Variants in COL12A1 observed in about 807,000 individuals in gnomAD.
The protein encoded by COL12A1 is collagen alpha-1(XII) chain.
In COL12A1, 114 loss-of-function variants were observed where a neutral mutation model predicts 349.7. That is an observed-to-expected ratio of 0.33 (90% CI 0.28 to 0.38). The LOEUF (loss-of-function observed/expected upper bound fraction) is 0.38, where lower values mean the gene tolerates loss of function less well. COL12A1 is among the 10% of genes least tolerant of loss of function. COL12A1 has a pLI of 1.00. For synonymous variants in COL12A1, 1,369 were observed against 1,329.0 expected (o/e 1.03, Z -0.66); for missense variants, 3,284 against 3,756.9 (o/e 0.87, Z 3.29).
chr6:75,126,274 G>T, intron 39 of COL12A1, 77 bp downstream of exon 39: 1 of 1,494,952 alleles, frequency 6.7e-7, no homozygotes. Flanking sequence ...CCCAACAGTG[G>T]GGGATGAAAG....
chr6:75,174,419 G>A (rs1322066543), intron 13 of COL12A1, among the ~76,000 whole-genome samples: 2 of 152,144 alleles, frequency 1.3e-5, no homozygotes, highest in East Asian at 3.9e-4. Flanking sequence ...AGCCAGGCGT[G>A]GTGGCGGGCG....
intron 2 of COL12A1, 125 bp from the exon 3 acceptor site, chr6:75,195,072 A>G (rs1311011185): frequency 1.8e-6 from 1 of 552,112 alleles, no homozygotes; most frequent in Non-Finnish European, 3.1e-6. Flanking sequence ...TTTCCAACAA[A>G]TATAAAAGAT....
intron 59 of COL12A1, among the ~76,000 whole-genome samples, chr6:75,096,789 G>C (rs1280020754): frequency 6.6e-6 from 1 of 150,736 alleles, no homozygotes; most frequent in Non-Finnish European, 1.5e-5. Flanking sequence ...CCAGCTACTC[G>C]GGAGGCTGAG....
intron 61 of COL12A1, 36 bp downstream of exon 61, chr6:75,091,450 AACAC>A (rs759392551): frequency 1.2e-6 from 2 of 1,612,620 alleles, no homozygotes; most frequent in East Asian, 2.2e-5. Flanking sequence ...TTCAATGTTT[AACAC>A]ACAAAATAAA....
At chr6:75,189,490 C>A in intron 6 of COL12A1, 62 bp downstream of exon 6, 3 of 1,580,528 alleles carry the variant, frequency 1.9e-6, no homozygotes, top group Non-Finnish European at 2.6e-6. Flanking sequence ...GGCAATGCAT[C>A]ATTTCTTTCT....
At position 75,105,211 on chromosome 6, in the gene COL12A1, G is replaced by A. The variant is rs1768488644; in HGVS notation, c.8260C>T (p.Pro2754Ser). The A allele has an allele frequency of 1.2e-6, 2 of 1,612,370 alleles. No homozygotes were observed. Among genetic ancestry groups the A allele is most frequent in the Non-Finnish European group, 8.5e-7 (1 of 1,179,256 alleles). ...ATCTATTTCAATTTCCTTACTGCAGGGCCTGGAGGTCCTGGAGGTCCAACG... is the reference window on the plus strand; with the variant it reads ...ATCTATTTCAATTTCCTTACTGCAGAGCCTGGAGGTCCTGGAGGTCCAACG... ...DSVGPPGPPG[P>S]AGGPGAKGPR... is the part of the protein sequence containing the mutation. Residue 2754 changes from proline (P) to serine (S), a missense_variant, in exon 54 of 66, where the codon CCT becomes TCT. Coordinates refer to ENST00000322507, the MANE Select transcript of COL12A1 (RefSeq NM_004370.6).
chr6:75,157,679 C>T (rs1215114068), intron 14 of COL12A1, among the ~76,000 whole-genome samples: 1 of 152,082 alleles, frequency 6.6e-6, no homozygotes, highest in African/African-American at 2.4e-5. Flanking sequence ...GCAACCAGAA[C>T]TTGAAGAATA....
Position 75,091,194 on chromosome 6 carries a change from T to G in COL12A1, c.8752+129A>C. The stretch of plus-strand genomic sequence containing the variant: ...AATCAGATACAAAACTGACAATGTA[T>G]AAGAACAAAAGCTTATCAAATGAAA... On this transcript the variant is annotated intron_variant, in intron 62 of 65. Transcript: ENST00000322507. 4.2e-6 allele frequency: 3 copies of G among 717,488 alleles called. No homozygotes were observed. The South Asian group carries it at 5.7e-5, about 14-fold the overall frequency. The allele number at this position is 717,488 out of a possible 1,614,324, so 44.4% of individuals were successfully genotyped here.
chr6:75,187,265 C>T (rs1196557640), intron 8 of COL12A1, among the ~76,000 whole-genome samples: 2 of 151,130 alleles, frequency 1.3e-5, no homozygotes, highest in African/African-American at 4.9e-5. Context: ...GATACAGAGG[C>T]AGTACAGGCT....
intron 60 of COL12A1, among the ~76,000 whole-genome samples, chr6:75,094,250 A>T (rs1245615000): frequency 6.6e-6 from 1 of 152,158 alleles, no homozygotes; most frequent in Non-Finnish European, 1.5e-5. Context: ...CAATGCTTTA[A>T]AAAGGAGAAA....
At chr6:75,123,837 A>T in intron 42 of COL12A1, 111 bp downstream of exon 42, 1 of 1,135,554 alleles carries the variant, frequency 8.8e-7, no homozygotes, top group Non-Finnish European at 1.2e-6. Flanking sequence ...TCCCATCATT[A>T]TTGCTACCCC....
chr6:75,197,189 T>C (rs984272274), intron 2 of COL12A1, among the ~76,000 whole-genome samples: 5 of 152,140 alleles, frequency 3.3e-5, no homozygotes, highest in African/African-American at 1.2e-4. Context: ...TGCTGAAAAA[T>C]GTACTTTATT....
At chr6:75,154,213 A>G (rs1366917380) in intron 17 of COL12A1, among the ~76,000 whole-genome samples, 1 of 151,962 alleles carries the variant, frequency 6.6e-6, no homozygotes, top group Non-Finnish European at 1.5e-5. Context: ...TGCAATGCTG[A>G]TAAAAGAAGT....
chr6:75,167,800 T>C (rs942095613), intron 13 of COL12A1, among the ~76,000 whole-genome samples: 1 of 152,194 alleles, frequency 6.6e-6, no homozygotes, highest in Admixed American at 6.5e-5. Flanking sequence ...CTCTCAAGAC[T>C]TGTAAAGCTA....
chr6:75,126,294 C>T (rs1766010068), intron 39 of COL12A1, 57 bp downstream of exon 39: 2 of 1,553,336 alleles, frequency 1.3e-6, no homozygotes, highest in South Asian at 1.2e-5. Context: ...GAGAAAATAC[C>T]CTCATATGCA....
chr6:75,126,398 G>A lies in COL12A1; in HGVS notation c.6413C>T (p.Pro2138Leu). ...ATATCCAAGAACTGGAGAAGGTGAA[G>A]GATCCCAGGACACCCTGAATCTTGT... Reference protein sequence around the residue: ...WYTRFRVSWDPSPSPVLGYKI... With the variant: ...WYTRFRVSWDLSPSPVLGYKI... Residue 2138 changes from proline (P) to leucine (L), a missense_variant, in exon 39 of 66, where the codon CCT (proline) becomes CTT (leucine). Coordinates refer to ENST00000322507, the MANE Select transcript of COL12A1 (RefSeq NM_004370.6). The A allele has an allele frequency of 6.2e-7, 1 of 1,611,574 alleles. No homozygotes were observed. The highest frequency in any genetic ancestry group is 8.5e-7 in the Non-Finnish European group (1 of 1,178,058).
intron 65 of COL12A1, among the ~76,000 whole-genome samples, chr6:75,086,801 A>G (rs2149321520): frequency 6.6e-6 from 1 of 152,002 alleles, no homozygotes; most frequent in Admixed American, 6.5e-5. Context: ...ACTTTTGGTC[A>G]TATGTAATTA....
At chr6:75,126,555 C>G in intron 38 of COL12A1, 85 bp from the exon 39 acceptor site, 1 of 1,421,992 alleles carries the variant, frequency 7.0e-7, no homozygotes. Flanking sequence ...GGTAGGAAAG[C>G]CCAATGGGAG....
intron 3 of COL12A1, among the ~76,000 whole-genome samples, chr6:75,194,561 A>G (rs578104415): frequency 1.3e-5 from 2 of 152,200 alleles, no homozygotes; most frequent in Non-Finnish European, 2.9e-5. Context: ...AAAGGTTACT[A>G]ACAATATTCT....
Sources: gnomAD v4.1 joint callset for allele counts (sites outside exome capture counted in the v4.1 genomes callset) on GRCh38, gnomAD v4.1.1 for gene constraint, MANE v1.5 for transcripts, NCBI Gene and HGNC (gene_info 2026-07-23, HGNC 2026-07-21) for gene names.